The following NIPSNAP2 variants were observed in gnomAD, a reference collection of about 807,000 sequenced individuals.
NIPSNAP2 encodes nipsnap homolog 2, also known as protein NipSnap homolog 2.
Under a neutral mutation model 48.4 loss-of-function variants are expected in NIPSNAP2, and 42 were observed. The ratio of observed to expected loss-of-function variants is 0.87; its 90% CI spans 0.68 to 1.12. The LOEUF is 1.12. Among genes scored for constraint, NIPSNAP2 ranks in the 50% most tolerant of loss-of-function variants. The pLI is 0.00. For missense variants in NIPSNAP2, 314 were observed against 347.3 expected (o/e 0.90, Z 0.76); for synonymous variants, 158 against 126.6 (o/e 1.25, Z -1.67).
intron 3 of NIPSNAP2, chr7:55,980,064 T>A: frequency 3.7e-6 from 1 of 270,412 alleles, no homozygotes; most frequent in South Asian, 3.9e-5. Flanking sequence ...AATGCAGGGT[T>A]GTCTATTCCT....
rs1562770419 is a variant in NIPSNAP2, at chr7:55,997,374, G to T, written c.721G>T (p.Asp241Tyr). 1 of 1,613,206 alleles carries T rather than the reference G, an allele frequency of 6.2e-7. No individual in the cohort carries two copies. The highest frequency in any genetic ancestry group is 8.5e-7 in the Non-Finnish European group (1 of 1,179,254). Residue 241 changes from aspartate (D) to tyrosine (Y), a missense_variant, in exon 9 of 10, where the codon GAT becomes TAT. Coordinates refer to ENST00000322090, the MANE Select transcript of NIPSNAP2 (RefSeq NM_001483.3). ...YMVHHLWAYR[D>Y]LQTREDIRNA... Reference sequence around the variant, plus strand: ...GTGTGGTTATTTTTAAGCTTACAGGGATCTTCAGACCAGGGAAGACATACG... The same window carrying T: ...GTGTGGTTATTTTTAAGCTTACAGGTATCTTCAGACCAGGGAAGACATACG...
chr7:55,970,674 C>G lies in NIPSNAP2; in HGVS notation c.92+5973C>G, dbSNP rs187967666. On this transcript the variant is annotated intron_variant, in intron 1 of 9. Transcript: ENST00000322090. ...ACCCTACACAGAATAAAGTCGCCCTCGCCTCGCCCTCACGGTCCTCCCACA... is the reference window on the plus strand; with the variant it reads ...ACCCTACACAGAATAAAGTCGCCCTGGCCTCGCCCTCACGGTCCTCCCACA... 3.3e-5 allele frequency among the ~76,000 whole-genome samples: 5 copies of G among 152,252 alleles called. No homozygotes were observed. The East Asian group carries it at 9.7e-4, about 29-fold the overall frequency.
chr7:55,987,576 T>C (rs942900942), intron 7 of NIPSNAP2, among the ~76,000 whole-genome samples: 6 of 152,042 alleles, frequency 3.9e-5, no homozygotes, highest in African/African-American at 1.4e-4. Context: ...TGCAGTGAGC[T>C]GAGATCGCGC....
At chr7:55,974,751 G>A (rs1293330745) in intron 1 of NIPSNAP2, among the ~76,000 whole-genome samples, 3 of 151,922 alleles carry the variant, frequency 2.0e-5, no homozygotes, top group African/African-American at 7.3e-5. Flanking sequence ...AGGAGGGTGA[G>A]GCAGGAGAAT....
In NIPSNAP2 at chr7:55,987,002, A is replaced by AC. The variant is rs1554343498; in HGVS notation, c.617+2124_617+2125insC. Among the ~76,000 whole-genome samples the AC allele has an allele frequency of 6.0e-5, 9 of 149,672 alleles. No homozygotes were observed. The South Asian group carries it at 1.5e-3, about 25-fold the overall frequency. On this transcript the variant is annotated intron_variant, in intron 7 of 9. Coordinates refer to ENST00000322090, the MANE Select transcript of NIPSNAP2 (RefSeq NM_001483.3). ...TCTCTATAAAAAAAAAAAAAAAAAA[A>AC]AAAAAAAACTTGCCAGGCGTGGTGG...
At chr7:55,979,765 C>G (rs1355478073) in intron 3 of NIPSNAP2, 1 of 456,348 alleles carries the variant, frequency 2.2e-6, no homozygotes, top group Admixed American at 2.4e-5. Flanking sequence ...TTCAGCAGCT[C>G]CCTGTTTGCA....
At chr7:55,988,599 C>T (rs1787378959) in intron 7 of NIPSNAP2, among the ~76,000 whole-genome samples, 1 of 152,124 alleles carries the variant, frequency 6.6e-6, no homozygotes, top group Admixed American at 6.6e-5. Flanking sequence ...GTGGTTCACG[C>T]CTGTAATCCC....
Position 55,978,181 on chromosome 7 carries a change from T to C in NIPSNAP2, c.148T>C (p.Phe50Leu), listed in dbSNP as rs1787139841. ...AGAAGACAGCTGGCTAAAATCCTTA[T>C]TTGTCCGGAAAGTTGATCCAAGAAA... Reference protein sequence around the residue: ...SREDSWLKSLFVRKVDPRKDA... With the variant: ...SREDSWLKSLLVRKVDPRKDA... The change falls in exon 2 of 10, where the codon TTT becomes CTT. Residue 50 changes from phenylalanine to leucine, a missense_variant. By Grantham distance (22) the Phe-to-Leu change is conservative (BLOSUM62 0). Around this residue, in one of 2 missense-constraint regions of NIPSNAP2, gnomAD observed 198 missense variants for 185.5 expected, o/e 1.07. Coordinates refer to ENST00000322090, the MANE Select transcript of NIPSNAP2 (RefSeq NM_001483.3). 6.2e-7 allele frequency: 1 copy of C among 1,614,182 alleles called. No individual in the cohort carries two copies. The highest frequency in any genetic ancestry group is 8.5e-7 in the Non-Finnish European group (1 of 1,180,038).
chr7:55,985,300 C>T (rs1180299016), intron 7 of NIPSNAP2, among the ~76,000 whole-genome samples: 3 of 152,054 alleles, frequency 2.0e-5, no homozygotes, highest in Non-Finnish European at 4.4e-5. Context: ...TGAAACGTTA[C>T]TTTTGTCATA....
rs370544742 is a variant in NIPSNAP2 at position 55,990,867 on chromosome 7, A to G, written c.618-4027A>G. Among the ~76,000 whole-genome samples, 4 of 148,574 alleles carry G rather than the reference A, an allele frequency of 2.7e-5. No homozygotes were observed. In the East Asian group the frequency reaches 8.0e-4, roughly 30 times the overall value. On this transcript the variant is annotated intron_variant, in intron 7 of 9. Transcript: ENST00000322090. The stretch of plus-strand genomic sequence containing the variant: ...CAGTGGCGCAGTCTCGGCTCACTCC[A>G]ATCTCTGCCTCCTGGGTTCAAGCGA...
chr7:55,997,430 G>A lies in NIPSNAP2; in HGVS notation c.777G>A (p.Glu259=). ...CAGCATGGCACAAACATGGCTGGGA[G>A]GAATTGGTATATTACACAGGTAATC... is the stretch of plus-strand genomic sequence containing the variant. ...RNAAWHKHGW[E]ELVYYTVPLI... is the part of the protein sequence containing the mutation. The change falls in exon 9 of 10, where the codon GAG becomes GAA. Residue 259 remains glutamate, a synonymous_variant. Coordinates refer to ENST00000322090, the MANE Select transcript of NIPSNAP2 (RefSeq NM_001483.3). The A allele has an allele frequency of 1.9e-6, 3 of 1,613,060 alleles. No homozygotes were observed. Among genetic ancestry groups the A allele is most frequent in the Non-Finnish European group, 2.5e-6 (3 of 1,179,064 alleles).
intron 6 of NIPSNAP2, among the ~76,000 whole-genome samples, chr7:55,984,153 A>G (rs907615594): frequency 1.3e-5 from 2 of 152,190 alleles, no homozygotes; most frequent in African/African-American, 4.8e-5. Context: ...AATATGTAAC[A>G]TCTGTTGTGG....
intron 1 of NIPSNAP2, among the ~76,000 whole-genome samples, chr7:55,970,253 G>A (rs1334574760): frequency 6.6e-6 from 1 of 151,688 alleles, no homozygotes; most frequent in Non-Finnish European, 1.5e-5. Context: ...CATGTTCCTG[G>A]CCTTTGTTGC....
chr7:55,971,458 G>T (rs1787014365), intron 1 of NIPSNAP2, among the ~76,000 whole-genome samples: 2 of 152,042 alleles, frequency 1.3e-5, no homozygotes, highest in Admixed American at 6.6e-5. Flanking sequence ...AATCCCTTTG[G>T]TATTATTATT....
chr7:55,980,038 C>T (rs1787180749), intron 3 of NIPSNAP2: 1 of 314,728 alleles, frequency 3.2e-6, no homozygotes, highest in Admixed American at 3.8e-5. Context: ...TGGGCTTCCT[C>T]CTGGGCACTG....
At chr7:55,997,880 A>T (rs1398481436) in intron 9 of NIPSNAP2, among the ~76,000 whole-genome samples, 1 of 152,224 alleles carries the variant, frequency 6.6e-6, no homozygotes, top group Non-Finnish European at 1.5e-5. Context: ...TATGTACAGT[A>T]TGTATCTGGG....
At chr7:55,983,048 A>C (rs1787254080) in intron 5 of NIPSNAP2, among the ~76,000 whole-genome samples, 1 of 138,164 alleles carries the variant, frequency 7.2e-6, no homozygotes, top group African/African-American at 2.7e-5. Context: ...GCTTGAACCC[A>C]GAAGGCAGAG....
intron 1 of NIPSNAP2, among the ~76,000 whole-genome samples, chr7:55,973,031 G>A (rs1190767221): frequency 2.6e-5 from 4 of 152,002 alleles, no homozygotes; most frequent in African/African-American, 7.2e-5. Flanking sequence ...GCTTGAACCC[G>A]GGAGGTCGAG....
Position 55,981,381 on chromosome 7 carries a change from A to AG in NIPSNAP2, c.279-90dup, listed in dbSNP as rs1787212694. ...AAGGTCAGTTGTTAGAACACAGAGT[A>AG]GGTGGTCTTTTTCCTGTTACTGATC... On this transcript the variant is annotated intron_variant, in intron 3 of 9. Coordinates refer to ENST00000322090, the MANE Select transcript of NIPSNAP2 (RefSeq NM_001483.3). The AG allele has an allele frequency of 3.8e-6, 3 of 798,292 alleles. No homozygotes were observed. In the East Asian group the frequency reaches 7.4e-5, roughly 20 times the overall value. 49.5% of individuals were successfully genotyped at this position (798,292 alleles called of 1,614,324 possible). A position where few individuals can be genotyped will look rare whatever the true frequency, so the allele number is the denominator to read the frequency against.
Sources: allele counts gnomAD v4.1 joint callset (sites outside exome capture counted in the v4.1 genomes callset), GRCh38; gene constraint gnomAD v4.1.1; regional missense constraint gnomAD v4.1.1; transcripts MANE v1.5; gene names NCBI Gene and HGNC (gene_info 2026-07-23, HGNC 2026-07-21).